The following PROC variants were observed in gnomAD, a reference collection of about 807,000 sequenced individuals.
PROC encodes protein C, inactivator of coagulation factors Va and VIIIa.
Under a neutral mutation model 36.3 loss-of-function variants are expected in PROC, and 22 were observed. The observed-to-expected ratio is 0.61, with a 90% CI of 0.43 to 0.86. The LOEUF (loss-of-function observed/expected upper bound fraction) is 0.86, where lower values mean the gene tolerates loss of function less well. Ranked by LOEUF, PROC falls within the 40% of genes least tolerant of loss-of-function variation. PROC has a pLI of 0.00. For synonymous variants in PROC, 218 were observed against 244.5 expected, an observed-to-expected ratio of 0.89 and a Z score of 1.01; for missense variants, 526 against 629.7, an observed-to-expected ratio of 0.84 and a Z score of 1.76.
chr2:127,428,967 G>A lies in PROC; in HGVS notation c.*21G>A, dbSNP rs943525671. The A allele has an allele frequency of 6.2e-7, 1 of 1,612,706 alleles. No homozygotes were observed. Among genetic ancestry groups the A allele is most frequent in the East Asian group, 2.2e-5 (1 of 44,876 alleles). ...CTTAGCGACCCTCCCTGCAGGGCTGGGCTTTTGCATGGCAATGGATGGGAC... is the reference window on the plus strand; with the variant it reads ...CTTAGCGACCCTCCCTGCAGGGCTGAGCTTTTGCATGGCAATGGATGGGAC... On this transcript the variant is annotated 3_prime_UTR_variant, in exon 9 of 9. Coordinates refer to ENST00000234071, the MANE Select transcript of PROC (RefSeq NM_000312.4).
At chr2:127,428,222 G>GCA in intron 8 of PROC, 135 bp from the exon 9 acceptor site, 1 of 842,208 alleles carries the variant, frequency 1.2e-6, no homozygotes, top group African/African-American at 1.7e-5. Flanking sequence ...ACGTGTGGGT[G>GCA]CACAGTCTCC....
At chr2:127,424,997 A>C (rs948574591) in intron 6 of PROC, among the ~76,000 whole-genome samples, 1 of 152,242 alleles carries the variant, frequency 6.6e-6, no homozygotes, top group Non-Finnish European at 1.5e-5. Flanking sequence ...TGGTCAGCTA[A>C]GAGCACCACT....
rs1186446333 is a variant in PROC, at chr2:127,418,855, C to T, written c.-22+363C>T. Among the ~76,000 whole-genome samples, 1 of 152,162 alleles carries T rather than the reference C, an allele frequency of 6.6e-6. No individual in the cohort carries two copies. The highest frequency in any genetic ancestry group is 1.5e-5 in the Non-Finnish European group (1 of 68,032). On this transcript the variant is annotated intron_variant, in intron 1 of 8. Transcript: ENST00000234071. The surrounding 1 kb of genome is among the most constrained non-coding windows in gnomAD (Gnocchi z 4.8). ...AGTCGGCAAGAATGGAGAGCAGGGT[C>T]CGGTAGGGTGTGCAGAGGGCCACGT...
chr2:127,420,818 A>T (rs1688049242), intron 2 of PROC, among the ~76,000 whole-genome samples: 1 of 152,014 alleles, frequency 6.6e-6, no homozygotes, highest in African/African-American at 2.4e-5. Flanking sequence ...GACTGGGGGG[A>T]TGTGTCAAGA....
At chr2:127,420,343 C>T (rs1688019248) in intron 2 of PROC, among the ~76,000 whole-genome samples, 1 of 152,146 alleles carries the variant, frequency 6.6e-6, no homozygotes, top group African/African-American at 2.4e-5. Flanking sequence ...CAGGCCCAGG[C>T]TACCGTCCAC....
intron 6 of PROC, among the ~76,000 whole-genome samples, chr2:127,425,259 T>G (rs1208047765): frequency 6.6e-6 from 1 of 152,248 alleles, no homozygotes; most frequent in East Asian, 1.9e-4. Flanking sequence ...AGTCAGTTAC[T>G]GTGTCCATCC....
chr2:127,423,291 T>C lies in PROC; in HGVS notation c.418T>C (p.Cys140Arg). ...FCQREVSFLNCSLDNGGCTHY... is the reference protein window; with the variant it reads ...FCQREVSFLNRSLDNGGCTHY... ...GCCCGCAGAGGTGAGCTTCCTCAAT[T>C]GCTCGCTGGACAACGGCGGCTGCAC... Residue 140 changes from cysteine (C) to arginine (R), a missense_variant, in exon 6 of 9, where the codon TGC (cysteine) becomes CGC (arginine). By Grantham distance (180) the Cys-to-Arg change is radical (BLOSUM62 -3). Coordinates refer to ENST00000234071, the MANE Select transcript of PROC (RefSeq NM_000312.4). 1 of 1,549,902 alleles carries C rather than the reference T, an allele frequency of 6.5e-7. No individual in the cohort carries two copies. The highest frequency in any genetic ancestry group is 2.4e-5 in the East Asian group (1 of 40,948).
chr2:127,423,723 G>C, intron 6 of PROC: 1 of 404,846 alleles, frequency 2.5e-6, no homozygotes. Flanking sequence ...TCCCCAGTCT[G>C]AGCGTATCTG....
chr2:127,422,853 C>A, intron 3 of PROC, 64 bp from the exon 4 acceptor site: 2 of 1,541,618 alleles, frequency 1.3e-6, no homozygotes, highest in Non-Finnish European at 8.7e-7. Context: ...TGCCCTGCCC[C>A]ACCCGGGCGC....
chr2:127,420,668 G>A (rs1159005258), intron 2 of PROC, among the ~76,000 whole-genome samples: 1 of 151,998 alleles, frequency 6.6e-6, no homozygotes, highest in Non-Finnish European at 1.5e-5. Flanking sequence ...TCCTAACTGT[G>A]CCCTGCACCC....
At chr2:127,424,291 C>T (rs1435263614) in intron 6 of PROC, among the ~76,000 whole-genome samples, 1 of 152,152 alleles carries the variant, frequency 6.6e-6, no homozygotes, top group Non-Finnish European at 1.5e-5. Flanking sequence ...CCTCCGCCTC[C>T]TGGATTCAAG....
In PROC at chr2:127,426,887, C is replaced by T. The variant is rs911380354; in HGVS notation, c.679-218C>T. Among the ~76,000 whole-genome samples the T allele has an allele frequency of 6.6e-6, 1 of 152,192 alleles. No individual in the cohort carries two copies. The highest frequency in any genetic ancestry group is 6.5e-5 in the Admixed American group (1 of 15,278). ...TGGGTGTGGCTGAGGGTGACTGAAA[C>T]AGTATGAACAGTGCAGGAACAGCAT... On this transcript the variant is annotated intron_variant, in intron 7 of 8. Coordinates refer to ENST00000234071, the MANE Select transcript of PROC (RefSeq NM_000312.4). This position sits in a 1 kb window ranked among gnomAD's most constrained non-coding sequence, Gnocchi z 7.0.
intron 1 of PROC, among the ~76,000 whole-genome samples, chr2:127,419,524 G>A (rs900426476): frequency 2.6e-5 from 4 of 152,176 alleles, no homozygotes; most frequent in East Asian, 1.9e-4. Flanking sequence ...AATTTGCACC[G>A]TGCAGTCTGG....
chr2:127,422,722 G>C (rs1225189540), intron 3 of PROC, among the ~76,000 whole-genome samples, 195 bp from the exon 4 acceptor site: 1 of 152,092 alleles, frequency 6.6e-6, no homozygotes, highest in Non-Finnish European at 1.5e-5. Flanking sequence ...GGCTGGGCGC[G>C]GGCGGGTGGC....
Position 127,426,850 on chromosome 2 carries a change from G to A in PROC, c.679-255G>A, listed in dbSNP as rs988932416. ...AAGCCTCTAAGGATGAGAGGAGCTC[G>A]CTGGGCGATGTTGGGTGTGGCTGAG... On this transcript the variant is annotated intron_variant, in intron 7 of 8. Transcript: ENST00000234071. The surrounding 1 kb of genome is among the most constrained non-coding windows in gnomAD (Gnocchi z 7.0). 5.3e-5 allele frequency among the ~76,000 whole-genome samples: 8 copies of A among 152,340 alleles called. No homozygotes were observed. The East Asian group carries it at 9.6e-4, about 18-fold the overall frequency.
rs559759814 is a variant in PROC at position 127,419,269 on chromosome 2, A to C, written c.-21-653A>C. Among the ~76,000 whole-genome samples the C allele has an allele frequency of 1.1e-4, 17 of 152,326 alleles. 1 individual carries two copies. The highest frequency in any genetic ancestry group is 3.4e-3 in the Middle Eastern group (1 of 294). On this transcript the variant is annotated intron_variant, in intron 1 of 8. Coordinates refer to ENST00000234071, the MANE Select transcript of PROC (RefSeq NM_000312.4). ...TCTATGAAATGGGGTTGACAGCATT[A>C]ATAACTACCTCTTGGGTGGTTGTGA...
At chr2:127,425,396 C>T (rs1421579273) in intron 6 of PROC, among the ~76,000 whole-genome samples, 1 of 152,226 alleles carries the variant, frequency 6.6e-6, no homozygotes, top group Non-Finnish European at 1.5e-5. Context: ...GCATTCAAGG[C>T]CCATTTTGAG....
At chr2:127,425,346 G>A (rs1438104209) in intron 6 of PROC, among the ~76,000 whole-genome samples, 5 of 152,198 alleles carry the variant, frequency 3.3e-5, no homozygotes, top group South Asian at 2.1e-4. Flanking sequence ...CCCTGCTGAC[G>A]ACGTCCCATT....
At position 127,426,028 on chromosome 2, in the gene PROC, G is replaced by A; in HGVS notation, c.536-57G>A. On this transcript the variant is annotated intron_variant, in intron 6 of 8. Transcript: ENST00000234071. This position sits in a 1 kb window ranked among gnomAD's most constrained non-coding sequence, Gnocchi z 7.0. ...ACAGGCTGGAGGAGGACCAAGACAGGAGGGCAGTCTCGGGAGGAGTGCCTG... is the reference window on the plus strand; with the variant it reads ...ACAGGCTGGAGGAGGACCAAGACAGAAGGGCAGTCTCGGGAGGAGTGCCTG... 1 of 1,611,174 alleles carries A rather than the reference G, an allele frequency of 6.2e-7. No homozygotes were observed. The highest frequency in any genetic ancestry group is 2.2e-5 in the East Asian group (1 of 44,848).
Sources: allele counts gnomAD v4.1 joint callset (sites outside exome capture counted in the v4.1 genomes callset), GRCh38; gene constraint gnomAD v4.1.1; non-coding constraint Gnocchi (gnomAD v3.1); transcripts MANE v1.5; gene names NCBI Gene and HGNC (gene_info 2026-07-23, HGNC 2026-07-21).